The following TMTC4 variants were observed in gnomAD, a reference collection of about 807,000 sequenced individuals.
TMTC4 encodes protein O-mannosyl-transferase TMTC4.
Under a neutral mutation model 86.0 loss-of-function variants are expected in TMTC4, and 65 were observed. The observed-to-expected ratio is 0.76, with a 90% confidence interval of 0.62 to 0.93. The LOEUF (loss-of-function observed/expected upper bound fraction) is 0.93. Ranked by LOEUF, TMTC4 falls within the 40% of genes least tolerant of loss-of-function variation. The pLI is 0.00. For missense variants in TMTC4, 866 were observed against 948.1 expected, an observed-to-expected ratio of 0.91 and a Z score of 1.14; for synonymous variants, 379 against 382.5, an observed-to-expected ratio of 0.99 and a Z score of 0.11.
chr13:100,673,416 A>C, intron 1 of TMTC4: 7 of 941,500 alleles, frequency 7.4e-6, no homozygotes, highest in African/African-American at 1.8e-5. Context: ...TTTCTACCTC[A>C]TCTGTAACAT....
intron 10 of TMTC4, chr13:100,635,870 A>G (rs1882143325): frequency 6.6e-6 from 1 of 152,592 alleles, no homozygotes; most frequent in Non-Finnish European, 1.5e-5. Flanking sequence ...TAAAAATCCC[A>G]TTTTCTGTGG....
rs973801282 is a variant in TMTC4, at chr13:100,642,401, T to C, written c.641-90A>G. On this transcript the variant is annotated intron_variant, in intron 6 of 18. Transcript: ENST00000342624. The stretch of plus-strand genomic sequence containing the variant: ...GAACTAAAATTCTAAGCAAATACCT[T>C]AAACAACCATAACTTAAAAACAGGG... 2.6e-5 allele frequency: 37 copies of C among 1,397,510 alleles called. No individual in the cohort carries two copies. In the African/African-American group the frequency reaches 3.8e-4, roughly 15 times the overall value. 86.6% of individuals were successfully genotyped at this position (1,397,510 alleles called of 1,614,324 possible).
At position 100,662,996 on chromosome 13, in the gene TMTC4, G is replaced by A; in HGVS notation, c.520C>T (p.Leu174=). The change falls in exon 5 of 19, where the codon CTG becomes TTG. Residue 174 remains leucine, a synonymous_variant. Coordinates refer to ENST00000342624, the MANE Select transcript of TMTC4 (RefSeq NM_032813.5). ...GTGTGCACAGGATGGACAGCAAACA[G>A]CAGCGCGGCCAGCAGGGACGCCCTG... ...APRASLLAAL[L]FAVHPVHTEC... 6.2e-7 allele frequency: 1 copy of A among 1,614,082 alleles called. No individual in the cohort carries two copies. Among genetic ancestry groups the A allele is most frequent in the East Asian group, 2.2e-5 (1 of 44,890 alleles).
Position 100,637,943 on chromosome 13 carries a change from T to A in TMTC4, c.821A>T (p.Asp274Val). 1 of 1,613,506 alleles carries A rather than the reference T, an allele frequency of 6.2e-7. No homozygotes were observed. Among genetic ancestry groups the A allele is most frequent in the Non-Finnish European group, 8.5e-7 (1 of 1,179,664 alleles). Residue 274 changes from aspartate (D) to valine (V), a missense_variant, in exon 8 of 19, where the codon GAC becomes GTC. Asp to Val is a radical substitution (Grantham distance 152, BLOSUM62 -3). Transcript: ENST00000342624. ...LEIVQKVLHKDKSLENLGMLR... is the reference protein window; with the variant it reads ...LEIVQKVLHKVKSLENLGMLR... Reference sequence around the variant, plus strand: ...GTACAGACTCACCTCTAATGACTTGTCCTTATGTAGTACCTTCTGGACAAT... The same window carrying A: ...GTACAGACTCACCTCTAATGACTTGACCTTATGTAGTACCTTCTGGACAAT...
At chr13:100,619,194 T>A (rs192617046) in intron 15 of TMTC4, among the ~76,000 whole-genome samples, 1 of 150,990 alleles carries the variant, frequency 6.6e-6, no homozygotes, top group African/African-American at 2.4e-5. Flanking sequence ...CCCTCCTGGA[T>A]GGGGCGGCCG....
At chr13:100,625,742 C>T (rs1255496409) in intron 14 of TMTC4, 43 bp downstream of exon 14, 8 of 1,609,398 alleles carry the variant, frequency 5.0e-6, no homozygotes, top group African/African-American at 1.3e-5. Flanking sequence ...AATGCAGGAG[C>T]TCCTTTCTTT....
At chr13:100,609,985 A>G (rs1490589516) in intron 17 of TMTC4, among the ~76,000 whole-genome samples, 1 of 152,220 alleles carries the variant, frequency 6.6e-6, no homozygotes, top group African/African-American at 2.4e-5. Context: ...TTTCAGGGCC[A>G]AATGAGAGAT....
intron 18 of TMTC4, among the ~76,000 whole-genome samples, chr13:100,606,017 A>C (rs773406061): frequency 5.9e-5 from 9 of 152,212 alleles, no homozygotes; most frequent in African/African-American, 2.2e-4. Flanking sequence ...GCAAGCTTCC[A>C]AAGTACCTAC....
intron 5 of TMTC4, among the ~76,000 whole-genome samples, chr13:100,659,150 C>G (rs1885463989): frequency 2.0e-5 from 3 of 152,098 alleles, no homozygotes; most frequent in Non-Finnish European, 1.5e-5. Context: ...CCAGTAGGTA[C>G]AATTTGCATG....
At position 100,637,619 on chromosome 13, in the gene TMTC4, G is replaced by A; in HGVS notation, c.918C>T (p.Arg306=). ...GCGGGCCCGTGCCCATGATCCTCCAGCGCACGTAGAGCATCCCAGCCCCTC... is the reference window on the plus strand; with the variant it reads ...GCGGGCCCGTGCCCATGATCCTCCAACGCACGTAGAGCATCCCAGCCCCTC... ...TSGGAGMLYV[R]WRIMGTGPPA... is the part of the protein sequence containing the mutation. Residue 306 remains arginine, a synonymous_variant, in exon 9 of 19, where the codon CGC becomes CGT. Transcript: ENST00000342624. The A allele has an allele frequency of 6.2e-7, 1 of 1,614,192 alleles. No individual in the cohort carries two copies. Among genetic ancestry groups the A allele is most frequent in the Non-Finnish European group, 8.5e-7 (1 of 1,180,042 alleles).
At chr13:100,642,503 C>T (rs78988569) in intron 6 of TMTC4, among the ~76,000 whole-genome samples, 192 bp from the exon 7 acceptor site, 2,158 of 152,272 alleles carry the variant, frequency 0.014, 50 homozygotes, top group African/African-American at 0.049. Flanking sequence ...TATGTCCCCA[C>T]TCAAGGCTCT....
intron 1 of TMTC4, among the ~76,000 whole-genome samples, chr13:100,671,112 G>A (rs1029873379): frequency 6.6e-6 from 1 of 152,238 alleles, no homozygotes; most frequent in African/African-American, 2.4e-5. Flanking sequence ...AAAAGGTCAT[G>A]TAACCGGTTT....
intron 1 of TMTC4, among the ~76,000 whole-genome samples, chr13:100,672,389 A>G (rs1887222753): frequency 2.6e-5 from 4 of 152,172 alleles, no homozygotes; most frequent in Admixed American, 2.6e-4. Context: ...CTCCAACACT[A>G]AACGACTTCT....
At chr13:100,612,654 TACACACACACACACACACACACAC>T (rs60782137) in intron 16 of TMTC4, 144 bp from the exon 17 acceptor site, 9 of 449,014 alleles carry the variant, frequency 2.0e-5, no homozygotes, top group Admixed American at 4.3e-5. Context: ...GATCATGTAA[TACACACACACACACACACACACAC>T]ACACACACAC....
intron 12 of TMTC4, among the ~76,000 whole-genome samples, chr13:100,632,729 A>G (rs138496610): frequency 1.3e-5 from 2 of 152,320 alleles, no homozygotes; most frequent in Non-Finnish European, 2.9e-5. Context: ...GATGTCAACT[A>G]TTCATTAGTT....
chr13:100,623,824 T>C lies in TMTC4; in HGVS notation c.1836+1711A>G, dbSNP rs556341718. 2.8e-4 allele frequency: 122 copies of C among 442,974 alleles called. 1 individual carries two copies. The highest frequency in any genetic ancestry group is 1.9e-3 in the African/African-American group (95 of 49,228). The allele number at this position is 442,974 out of a possible 1,614,324, so 27.4% of individuals were successfully genotyped here. On this transcript the variant is annotated intron_variant, in intron 15 of 18. Coordinates refer to ENST00000342624, the MANE Select transcript of TMTC4 (RefSeq NM_032813.5). ...GCTGGGGCATTGCTGGGTCTTGCCT[T>C]TGTGCGGCCAAAACCAGATGACAGC...
chr13:100,632,940 A>C (rs895212041), intron 12 of TMTC4, among the ~76,000 whole-genome samples: 4 of 152,114 alleles, frequency 2.6e-5, no homozygotes, highest in East Asian at 3.9e-4. Flanking sequence ...CTTCTAACCT[A>C]ACCCCTTGGC....
chr13:100,674,278 G>A, intron 1 of TMTC4: 1 of 979,506 alleles, frequency 1.0e-6, no homozygotes, highest in Non-Finnish European at 1.2e-6. Context: ...ACCCAGGGCA[G>A]GCGGCCAAGC....
intron 15 of TMTC4, chr13:100,625,258 G>T: frequency 2.4e-6 from 1 of 424,516 alleles, no homozygotes; most frequent in Non-Finnish European, 4.3e-6. Flanking sequence ...CTGTTTTACA[G>T]GGCGGACGGG....
Sources: allele counts gnomAD v4.1 joint callset (sites outside exome capture counted in the v4.1 genomes callset), GRCh38; gene constraint gnomAD v4.1.1; transcripts MANE v1.5; gene names NCBI Gene and HGNC (gene_info 2026-07-23, HGNC 2026-07-21).